Variants in TMEM63A observed in about 807,000 individuals in gnomAD.
The protein encoded by TMEM63A is transmembrane protein 63A, also known as mechanosensitive cation channel TMEM63A.
TMEM63A carries 76 observed loss-of-function variants against 100.6 expected under a neutral mutation model. The ratio of observed to expected loss-of-function variants is 0.76; its 90% CI spans 0.63 to 0.91. TMEM63A has a LOEUF of 0.91. Ranked by LOEUF, TMEM63A falls within the 40% of genes least tolerant of loss-of-function variation. The pLI is 0.00. For synonymous variants in TMEM63A, 401 were observed against 401.1 expected (o/e 1.00, Z 0.00); for missense variants, 876 against 1,008.8 (o/e 0.87, Z 1.78).
intron 23 of TMEM63A, 188 bp downstream of exon 23, chr1:225,848,304 T>G: frequency 1.6e-6 from 1 of 617,882 alleles, no homozygotes; most frequent in Non-Finnish European, 2.8e-6. Context: ...CCTCAACAGT[T>G]TCAAATATGC....
At chr1:225,858,397 C>T (rs1669755171) in intron 15 of TMEM63A, among the ~76,000 whole-genome samples, 1 of 143,420 alleles carries the variant, frequency 7.0e-6, no homozygotes, top group South Asian at 2.2e-4. Context: ...GCAATCTCGG[C>T]TTACTGCAAC....
In TMEM63A at chr1:225,847,150, G is replaced by A. The variant is rs1334057499; in HGVS notation, c.2314C>T (p.Gln772Ter). The A allele has an allele frequency of 1.9e-6, 3 of 1,613,410 alleles. No homozygotes were observed. The African/African-American group carries it at 4.0e-5, about 22-fold the overall frequency. ...SERTALSPQQQQQQTYGAIHN... is the reference protein window; with the variant it reads ...SERTALSPQQ ...ATGGCACCATAGGTCTGCTGCTGCT[G>A]CTGCTGCGGAGACAGTGCTGTCCTC... The change falls in exon 24 of 25, where the codon CAG becomes TAG. Residue 772 changes from glutamine (Q) to a stop codon, truncating the protein, a stop_gained. Coordinates refer to ENST00000366835, the MANE Select transcript of TMEM63A (RefSeq NM_014698.3). LOFTEE classifies it high-confidence loss of function.
At chr1:225,849,783 TCACTCTGGG>T (rs1669230526) in intron 21 of TMEM63A, 120 bp downstream of exon 21, 1 of 1,213,786 alleles carries the variant, frequency 8.2e-7, no homozygotes, top group Non-Finnish European at 1.1e-6. Context: ...TAACCAGCCC[TCACTCTGGG>T]CACCACATTC....
At chr1:225,844,594 AC>A, downstream of TMEM63A, 1 of 1,614,132 alleles carries the variant, frequency 6.2e-7, no homozygotes, top group East Asian at 2.2e-5. Context: ...AGAACCTGGG[AC>A]AGGGCTGGAT....
intron 1 of TMEM63A, among the ~76,000 whole-genome samples, chr1:225,880,007 C>A (rs181539462): frequency 6.6e-6 from 1 of 152,146 alleles, no homozygotes; most frequent in Non-Finnish European, 1.5e-5. Context: ...GAGGCCTCTG[C>A]GGAGGGAAAC....
chr1:225,857,127 G>A (rs1249333896), intron 15 of TMEM63A, 110 bp from the exon 16 acceptor site: 4 of 933,362 alleles, frequency 4.3e-6, no homozygotes, highest in South Asian at 4.4e-5. Flanking sequence ...GTAGGAGTTT[G>A]TCATCTCTGA....
At chr1:225,877,697 T>C (rs749662157) in intron 2 of TMEM63A, 103 bp from the exon 3 acceptor site, 20 of 1,212,372 alleles carry the variant, frequency 1.6e-5, no homozygotes, top group Non-Finnish European at 2.1e-5. Context: ...TCCCAGGGAC[T>C]GATCGGGCAG....
chr1:225,865,988 G>C lies in TMEM63A; in HGVS notation c.676-21C>G, dbSNP rs773237553. The C allele has an allele frequency of 6.2e-7, 1 of 1,612,866 alleles. No individual in the cohort carries two copies. The highest frequency in any genetic ancestry group is 8.5e-7 in the Non-Finnish European group (1 of 1,179,326). On this transcript the variant is annotated intron_variant, in intron 9 of 24. Transcript: ENST00000366835. The surrounding 1 kb of genome is among the most constrained non-coding windows in gnomAD (Gnocchi z 4.6). ...CTCACCTGTCCGGGAAATACAGCAG[G>C]GAGAGAAGTCACCCACAAGCCAGTG... is the stretch of plus-strand genomic sequence containing the variant.
At position 225,847,047 on chromosome 1, in the gene TMEM63A, T is replaced by TC; in HGVS notation, c.2416dup (p.Glu806GlyfsTer106). 2 of 1,610,882 alleles carry TC rather than the reference T, an allele frequency of 1.2e-6. No homozygotes were observed. The highest frequency in any genetic ancestry group is 1.7e-6 in the Non-Finnish European group (2 of 1,178,730). On this transcript the variant is annotated frameshift_variant, in exon 24 of 25. Coordinates refer to ENST00000366835, the MANE Select transcript of TMEM63A (RefSeq NM_014698.3). LOFTEE classifies it high-confidence loss of function. ...CCAGCAGCTCACCCAGCCTCAGGCC[T>TC]CCTGGGGGGCAGCAGCCACACTGCC...
intron 14 of TMEM63A, chr1:225,860,387 G>C (rs1280566365): frequency 2.0e-5 from 3 of 152,724 alleles, no homozygotes; most frequent in African/African-American, 7.2e-5. Context: ...TGCGGCTACT[G>C]AGCATTTTAA....
chr1:225,860,787 T>A, intron 14 of TMEM63A, 73 bp downstream of exon 14: 1 of 1,489,394 alleles, frequency 6.7e-7, no homozygotes, highest in Non-Finnish European at 9.0e-7. Context: ...GTCACACCTG[T>A]GCTCCAGGTG....
chr1:225,846,883 G>T lies in TMEM63A; in HGVS notation c.*56C>A. ...TCCCAACGCATTCCCACTCAGCCAA[G>T]GGCCTGAGCCCCAGGCCATTCTGGT... On this transcript the variant is annotated 3_prime_UTR_variant, in exon 25 of 25. Transcript: ENST00000366835. 1 of 916,944 alleles carries T rather than the reference G, an allele frequency of 1.1e-6. No homozygotes were observed. Among genetic ancestry groups the T allele is most frequent in the Non-Finnish European group, 1.6e-6 (1 of 638,214 alleles). The allele number at this position is 916,944 out of a possible 1,614,324, so 56.8% of individuals were successfully genotyped here.
chr1:225,876,013 T>C (rs1435764307), intron 3 of TMEM63A, among the ~76,000 whole-genome samples: 3 of 132,582 alleles, frequency 2.3e-5, no homozygotes, highest in Non-Finnish European at 3.0e-5. Flanking sequence ...TCGCAGTGAA[T>C]TGTGATTATG....
At chr1:225,848,661 G>C (rs914744794) in intron 22 of TMEM63A, 107 bp from the exon 23 acceptor site, 12 of 1,243,048 alleles carry the variant, frequency 9.7e-6, no homozygotes, top group Admixed American at 7.7e-5. Context: ...GTACCAGCTG[G>C]CACCAAGCTC....
downstream of TMEM63A, chr1:225,841,308 A>G (rs1335497411): frequency 2.6e-5 from 4 of 152,176 alleles, no homozygotes; most frequent in Admixed American, 2.0e-4. Context: ...CTCAAGACCC[A>G]GTCTGGCTCT....
intron 9 of TMEM63A, 156 bp from the exon 10 acceptor site, chr1:225,866,123 T>C (rs1670195368): frequency 2.8e-6 from 2 of 710,990 alleles, no homozygotes; most frequent in East Asian, 2.7e-5. Flanking sequence ...CCCCAAAGCA[T>C]GTCATTTACA....
chr1:225,878,873 TACCTACCTACCTACACACACACACAC>T (rs1236486239), intron 2 of TMEM63A, among the ~76,000 whole-genome samples: 3 of 112,084 alleles, frequency 2.7e-5, no homozygotes, highest in Non-Finnish European at 3.6e-5. Flanking sequence ...CCTACCTACC[TACCTACCTACCTACACACACACACAC>T]ACACACACAC....
Position 225,871,177 on chromosome 1 carries a change from ATT to A in TMEM63A, c.334-66_334-65del, listed in dbSNP as rs1196231584. 4 of 1,537,002 alleles carry A rather than the reference ATT, an allele frequency of 2.6e-6. No individual in the cohort carries two copies. In the African/African-American group the frequency reaches 4.1e-5, roughly 16 times the overall value. ...GTGTCTTTGAGAGGCAGATGTAACC[ATT>A]GTCTTTGACATTAAATAACCATTTA... On this transcript the variant is annotated intron_variant, in intron 5 of 24. Transcript: ENST00000366835.
At chr1:225,844,376 C>A, downstream of TMEM63A, 2 of 1,455,906 alleles carry the variant, frequency 1.4e-6, no homozygotes, top group Non-Finnish European at 1.9e-6. Context: ...ACACACGTTG[C>A]ATGAGGTCTG....
Sources: allele counts gnomAD v4.1 joint callset (sites outside exome capture counted in the v4.1 genomes callset), GRCh38; gene constraint gnomAD v4.1.1; non-coding constraint Gnocchi (gnomAD v3.1); transcripts MANE v1.5; gene names NCBI Gene and HGNC (gene_info 2026-07-23, HGNC 2026-07-21).